The following TBC1D8B variants were observed in gnomAD, a reference collection of about 807,000 sequenced individuals.
The protein encoded by TBC1D8B is RP11-321G1.1.
A neutral mutation model predicts 82.9 loss-of-function variants in TBC1D8B; 75 were observed. The observed-to-expected ratio is 0.90, with a 90% CI of 0.75 to 1.10. The LOEUF (loss-of-function observed/expected upper bound fraction) is 1.10. Among genes scored for constraint, TBC1D8B ranks in the 50% least tolerant of loss-of-function variants. The pLI is 0.00. For synonymous variants in TBC1D8B, 276 were observed against 276.8 expected (o/e 1.00, Z 0.03); for missense variants, 794 against 796.9 (o/e 1.00, Z 0.04).
rs1400569449 is a variant in TBC1D8B at position 106,869,540 on chromosome X, AG to A, written c.2869+1del. 1.0e-5 allele frequency: 12 copies of A among 1,195,104 alleles called. No homozygotes were observed. Among genetic ancestry groups the A allele is most frequent in the Admixed American group, 8.8e-5 (4 of 45,524 alleles). Reference sequence around the variant, plus strand: ...AATCAGCAAAACACAGCCCTGAAAAAGGTACTATGATCTAGGAGTTATCATT... The same window carrying A: ...AATCAGCAAAACACAGCCCTGAAAAAGTACTATGATCTAGGAGTTATCATT... ...AESAKHSPEK[G>X]KGKIDIQAYL... On this transcript the variant is annotated frameshift_variant and splice_region_variant, in exon 19 of 21. Transcript: ENST00000357242. LOFTEE classifies it high-confidence loss of function.
Position 106,830,694 on chromosome X carries a change from G to A in TBC1D8B, c.1203+3357G>A, listed in dbSNP as rs1176137667. Among the ~76,000 whole-genome samples the A allele has an allele frequency of 1.1e-4, 12 of 105,260 alleles. No homozygotes were observed. The South Asian group carries it at 1.3e-3, about 12-fold the overall frequency. The allele number at this position is 105,260 out of a possible 115,157, so 91.4% of individuals were successfully genotyped here. A position where few individuals can be genotyped will look rare whatever the true frequency, so the allele number is the denominator to read the frequency against. On this transcript the variant is annotated intron_variant, in intron 7 of 20. Coordinates refer to ENST00000357242, the MANE Select transcript of TBC1D8B (RefSeq NM_017752.3). Reference sequence around the variant, plus strand: ...ATCATTCTCAGTAAACTATCGCAAGGACAAAAAACCAAACACCGCATATTC... The same window carrying A: ...ATCATTCTCAGTAAACTATCGCAAGAACAAAAAACCAAACACCGCATATTC...
intron 20 of TBC1D8B, 37 bp downstream of exon 20, chrX:106,870,850 CT>C (rs1240512017): frequency 5.9e-6 from 6 of 1,014,649 alleles, no homozygotes; most frequent in Non-Finnish European, 8.2e-6. Flanking sequence ...TAAGTTCTTG[CT>C]TTTTTGTATG....
In TBC1D8B at chrX:106,873,707, C is replaced by G. The variant is rs1452774461; in HGVS notation, c.3105C>G (p.Ser1035Arg). Residue 1035 changes from serine (S) to arginine (R), a missense_variant, in exon 21 of 21, where the codon AGC becomes AGG. Physicochemically the swap from Ser to Arg is moderately radical, Grantham distance 110. Coordinates refer to ENST00000357242, the MANE Select transcript of TBC1D8B (RefSeq NM_017752.3). ...RMEEVGRKLH[S>R]PTSSAKGFSG... is the part of the protein sequence containing the mutation. ...AAGAAGTTGGAAGGAAACTACATAG[C>G]CCTACATCATCAGCCAAAGGATTCT... 8.3e-7 allele frequency: 1 copy of G among 1,210,064 alleles called. No homozygotes were observed. Among genetic ancestry groups the G allele is most frequent in the African/African-American group, 1.7e-5 (1 of 57,155 alleles).
chrX:106,812,664 T>C (rs952943469), intron 1 of TBC1D8B, among the ~76,000 whole-genome samples: 2 of 110,787 alleles, frequency 1.8e-5, no homozygotes, highest in Non-Finnish European at 3.8e-5. Flanking sequence ...TGGTCTTTCC[T>C]CTAGCACTCA....
intron 1 of TBC1D8B, among the ~76,000 whole-genome samples, chrX:106,803,660 G>T (rs1431538691): frequency 9.0e-6 from 1 of 111,457 alleles, no homozygotes; most frequent in South Asian, 3.8e-4. Context: ...TGAGTGACTG[G>T]TGCTGCCCCT....
At position 106,853,508 on chromosome X, in the gene TBC1D8B, C is replaced by A. The variant is rs1932633848; in HGVS notation, c.2124-13C>A. ...GTTCCACTAATTCTTGTATTACTAT[C>A]ACTTTTCAATAGGTTCTTTGACAAT... On this transcript the variant is annotated splice_polypyrimidine_tract_variant and intron_variant, in intron 12 of 20. Coordinates refer to ENST00000357242, the MANE Select transcript of TBC1D8B (RefSeq NM_017752.3). 1 of 1,199,090 alleles carries A rather than the reference C, an allele frequency of 8.3e-7. No homozygotes were observed. Among genetic ancestry groups the A allele is most frequent in the Non-Finnish European group, 1.1e-6 (1 of 886,154 alleles).
intron 18 of TBC1D8B, 58 bp from the exon 19 acceptor site, chrX:106,869,427 G>T: frequency 9.7e-7 from 1 of 1,027,974 alleles, no homozygotes; most frequent in Non-Finnish European, 1.4e-6. Context: ...ACATTATTTT[G>T]CTTTCAAAGA....
At chrX:106,829,414 G>A (rs1271954634) in intron 7 of TBC1D8B, 1 of 105,167 alleles carries the variant, frequency 9.5e-6, no homozygotes, top group African/African-American at 3.7e-5. Context: ...AGCTACCAAT[G>A]ACTTTCTTCA....
chrX:106,867,892 T>A (rs1354157940), intron 17 of TBC1D8B, among the ~76,000 whole-genome samples: 1 of 111,429 alleles, frequency 9.0e-6, no homozygotes, highest in Non-Finnish European at 1.9e-5. Flanking sequence ...CATTGTCAAA[T>A]CAGGCTACTG....
chrX:106,866,931 AT>A, intron 17 of TBC1D8B, 69 bp downstream of exon 17: 1 of 828,457 alleles, frequency 1.2e-6, no homozygotes, highest in East Asian at 3.4e-5. Flanking sequence ...ATAATTACAG[AT>A]TTTTTTAACA....
rs1055588874 is a variant in TBC1D8B at position 106,848,267 on chromosome X, C to T, written c.1801C>T (p.Arg601Ter). 20 of 1,188,090 alleles carry T rather than the reference C, an allele frequency of 1.7e-5. No homozygotes were observed. The highest frequency in any genetic ancestry group is 3.5e-5 in the African/African-American group (2 of 56,983). Reference protein sequence around the residue: ...AFWLLVAVCERMLPDYFNRRI... With the variant: ...AFWLLVAVCE ...TTGGCTTCTGGTTGCTGTATGTGAA[C>T]GAATGTTGCCTGATTATTTTAATCG... Residue 601 changes from arginine (R) to a stop codon, truncating the protein, a stop_gained, in exon 11 of 21, where the codon CGA becomes TGA. Transcript: ENST00000357242. LOFTEE classifies it high-confidence loss of function.
At chrX:106,833,942 A>ATGTG (rs1191440534) in intron 7 of TBC1D8B, among the ~76,000 whole-genome samples, 4 of 108,446 alleles carry the variant, frequency 3.7e-5, no homozygotes, top group African/African-American at 1.4e-4. Flanking sequence ...GTTGTCAAGT[A>ATGTG]TGTGATTTGT....
In TBC1D8B at chrX:106,824,944, G is replaced by A. The variant is rs184256942; in HGVS notation, c.828-1086G>A. ...CACAGTAATGATAGTTAAGTTTAGC[G>A]TATATCCTTCTAGGCTTTTTAATGC... On this transcript the variant is annotated intron_variant, in intron 5 of 20. Coordinates refer to ENST00000357242, the MANE Select transcript of TBC1D8B (RefSeq NM_017752.3). 3.8e-3 allele frequency among the ~76,000 whole-genome samples: 418 copies of A among 111,445 alleles called. 8 individuals carry two copies. The highest frequency in any genetic ancestry group is 0.027 in the Admixed American group (278 of 10,443).
chrX:106,870,693 A>C (rs1394276605), intron 19 of TBC1D8B, 23 bp from the exon 20 acceptor site: 2 of 1,071,280 alleles, frequency 1.9e-6, no homozygotes, highest in Admixed American at 2.3e-5. Context: ...TCCTTATGAA[A>C]TGGTTTTACT....
In TBC1D8B at chrX:106,810,444, AG is replaced by A. The variant is rs772691107; in HGVS notation, c.130+7463del. ...TATAATGCACTTAGCGACTAGAAAAAGGTTATTAAAGAGCAATGTCTTAATC... is the reference window on the plus strand; with the variant it reads ...TATAATGCACTTAGCGACTAGAAAAAGTTATTAAAGAGCAATGTCTTAATC... On this transcript the variant is annotated intron_variant, in intron 1 of 20. Coordinates refer to ENST00000357242, the MANE Select transcript of TBC1D8B (RefSeq NM_017752.3). 3.3e-4 allele frequency among the ~76,000 whole-genome samples: 37 copies of A among 112,196 alleles called. No individual in the cohort carries two copies. In the Admixed American group the frequency reaches 3.4e-3, roughly 10 times the overall value.
In TBC1D8B at chrX:106,873,675, A is replaced by C; in HGVS notation, c.3073A>C (p.Arg1025=). 2.5e-6 allele frequency: 3 copies of C among 1,211,770 alleles called. No homozygotes were observed. The South Asian group carries it at 5.3e-5, about 21-fold the overall frequency. ...TGCTGTTGTAACCAGCCTTTTACTC[A>C]GGATGGAAGAAGTTGGAAGGAAACT... ...AIAVVTSLLL[R]MEEVGRKLHS... The change falls in exon 21 of 21, where the codon AGG becomes CGG. Residue 1025 remains arginine (R), a synonymous_variant. Coordinates refer to ENST00000357242, the MANE Select transcript of TBC1D8B (RefSeq NM_017752.3).
intron 7 of TBC1D8B, among the ~76,000 whole-genome samples, chrX:106,832,063 CGAA>C (rs1932061136): frequency 9.0e-6 from 1 of 110,942 alleles, no homozygotes; most frequent in Non-Finnish European, 1.9e-5. Context: ...TTTACTAAAA[CGAA>C]GAGAAAAATT....
At chrX:106,862,386 T>C (rs979985762) in intron 14 of TBC1D8B, among the ~76,000 whole-genome samples, 1 of 111,908 alleles carries the variant, frequency 8.9e-6, no homozygotes, top group Non-Finnish European at 1.9e-5. Context: ...GTCTATTCTG[T>C]TGTTAATGCT....
intron 12 of TBC1D8B, among the ~76,000 whole-genome samples, 155 bp downstream of exon 12, chrX:106,850,465 C>A (rs746366604): frequency 2.7e-5 from 3 of 111,857 alleles, no homozygotes; most frequent in Admixed American, 9.5e-5. Flanking sequence ...AAAGTCCAGT[C>A]CTCTATCTCC....
Sources: allele counts gnomAD v4.1 joint callset (sites outside exome capture counted in the v4.1 genomes callset), GRCh38; gene constraint gnomAD v4.1.1; transcripts MANE v1.5; gene names NCBI Gene and HGNC (gene_info 2026-07-23, HGNC 2026-07-21).